The following DUSP18 variants were observed in gnomAD, a reference collection of about 807,000 sequenced individuals.
The protein encoded by DUSP18 is dual specificity phosphatase 18.
Under a neutral mutation model 6.3 loss-of-function variants are expected in DUSP18, and 4 were observed. The ratio of observed to expected loss-of-function variants is 0.63; its 90% CI spans 0.31 to 1.45. The LOEUF is 1.45. DUSP18 is among the 40% of genes most tolerant of loss of function. DUSP18 has a pLI of 0.07. For missense variants in DUSP18, 235 were observed against 247.7 expected (o/e 0.95, Z 0.34); for synonymous variants, 96 against 95.1 (o/e 1.01, Z -0.05).
chr22:30,661,278 A>C (rs2088458608), downstream of DUSP18, among the ~76,000 whole-genome samples: 1 of 152,108 alleles, frequency 6.6e-6, no homozygotes, highest in South Asian at 2.1e-4. Flanking sequence ...AAAATCTAAA[A>C]CTTTTTGAGA....
At chr22:30,664,517 A>C (rs1030639620) in intron 1 of DUSP18, among the ~76,000 whole-genome samples, 1 of 152,120 alleles carries the variant, frequency 6.6e-6, no homozygotes, top group Non-Finnish European at 1.5e-5. Flanking sequence ...AGCCCCTCTG[A>C]GTGGGAACCA....
At chr22:30,658,298 G>T (rs1319546336), downstream of DUSP18, among the ~76,000 whole-genome samples, 14 of 151,718 alleles carry the variant, frequency 9.2e-5, 1 homozygote, top group South Asian at 2.1e-3. Flanking sequence ...CAGAACTTTG[G>T]GAGGCTGAGG....
rs2088481385 is a variant in DUSP18, at chr22:30,661,916, C to G, written c.*1521G>C. The G allele has an allele frequency of 6.6e-6, 1 of 151,758 alleles. No homozygotes were observed. The highest frequency in any genetic ancestry group is 1.5e-5 in the Non-Finnish European group (1 of 68,036). The allele number at this position is 151,758 out of a possible 1,614,324, so 9.4% of individuals were successfully genotyped here. ...TAGAAGTGATTGGGGGAAGCTGGAA[C>G]TGTGCTCCTTGTTTCAGGACCTCTA... On this transcript the variant is annotated 3_prime_UTR_variant, in exon 2 of 2. Transcript: ENST00000334679.
intron 2 of DUSP18, among the ~76,000 whole-genome samples, chr22:30,653,616 GC>G (rs146345605): frequency 2.6e-5 from 4 of 151,438 alleles, no homozygotes; most frequent in Admixed American, 6.6e-5. Context: ...CAAGTGACCC[GC>G]CCCCCCTCGG....
chr22:30,661,410 T>C (rs2088461863), downstream of DUSP18: 1 of 151,970 alleles, frequency 6.6e-6, no homozygotes, highest in South Asian at 2.1e-4. Flanking sequence ...AAAATATTTC[T>C]GGTCCCAAGC....
At chr22:30,666,807 C>T (rs2088688648) in intron 1 of DUSP18, 1 of 152,032 alleles carries the variant, frequency 6.6e-6, no homozygotes, top group Admixed American at 6.6e-5. Flanking sequence ...CAGTACCTAC[C>T]TTAAAAGGAT....
At chr22:30,657,200 C>T (rs971521250), downstream of DUSP18, among the ~76,000 whole-genome samples, 2 of 149,344 alleles carry the variant, frequency 1.3e-5, no homozygotes, top group African/African-American at 2.5e-5. Context: ...TTTGGGAGGC[C>T]GAGGTGGGTG....
intron 1 of DUSP18, among the ~76,000 whole-genome samples, chr22:30,666,046 C>T (rs1381062860): frequency 6.6e-6 from 1 of 152,066 alleles, no homozygotes; most frequent in Non-Finnish European, 1.5e-5. Context: ...GGCTCATTCC[C>T]GGAAGGACAG....
chr22:30,664,097 G>C lies in DUSP18; in HGVS notation c.-77-17C>G. On this transcript the variant is annotated splice_polypyrimidine_tract_variant and intron_variant, in intron 1 of 1. Coordinates refer to ENST00000334679, the MANE Select transcript of DUSP18 (RefSeq NM_152511.5). ...CATGGAAAACTGCAGAGAGGGAGAG[G>C]ATGTTTAGAGGGCAGGTGCCCAGAG... 28 of 1,169,744 alleles carry C rather than the reference G, an allele frequency of 2.4e-5. No individual in the cohort carries two copies. Among genetic ancestry groups the C allele is most frequent in the Non-Finnish European group, 3.0e-5 (25 of 827,836 alleles). 72.5% of individuals were successfully genotyped at this position (1,169,744 alleles called of 1,614,324 possible). A position where few individuals can be genotyped will look rare whatever the true frequency, so the allele number is the denominator to read the frequency against.
chr22:30,664,096 G>C lies in DUSP18; in HGVS notation c.-77-16C>G. Reference sequence around the variant, plus strand: ...CCATGGAAAACTGCAGAGAGGGAGAGGATGTTTAGAGGGCAGGTGCCCAGA... The same window carrying C: ...CCATGGAAAACTGCAGAGAGGGAGACGATGTTTAGAGGGCAGGTGCCCAGA... On this transcript the variant is annotated splice_polypyrimidine_tract_variant and intron_variant, in intron 1 of 1. Coordinates refer to ENST00000334679, the MANE Select transcript of DUSP18 (RefSeq NM_152511.5). 5 of 1,242,246 alleles carry C rather than the reference G, an allele frequency of 4.0e-6. No homozygotes were observed. Among genetic ancestry groups the C allele is most frequent in the Non-Finnish European group, 5.6e-6 (5 of 892,970 alleles). 77.0% of individuals were successfully genotyped at this position (1,242,246 alleles called of 1,614,324 possible). A position where few individuals can be genotyped will look rare whatever the true frequency, so the allele number is the denominator to read the frequency against.
rs2088533044 is a variant in DUSP18 at position 30,663,316 on chromosome 22, T to C, written c.*121A>G. On this transcript the variant is annotated 3_prime_UTR_variant, in exon 2 of 2. Transcript: ENST00000334679. ...CTACAGCAACTCTTTTTTGTGCTCA[T>C]AAAAGGCATCATCTGTTTTTTTCTG... is the stretch of plus-strand genomic sequence containing the variant. 1 of 989,096 alleles carries C rather than the reference T, an allele frequency of 1.0e-6. No homozygotes were observed. The allele number at this position is 989,096 out of a possible 1,614,324, so 61.3% of individuals were successfully genotyped here.
At chr22:30,652,539 G>A (rs1405671065) in intron 2 of DUSP18, among the ~76,000 whole-genome samples, 2 of 152,208 alleles carry the variant, frequency 1.3e-5, no homozygotes, top group Admixed American at 1.3e-4. Flanking sequence ...CCTATGCCCA[G>A]GAATGAATAA....
rs115405029 is a variant in DUSP18 at position 30,666,154 on chromosome 22, G to A, written c.-78+1308C>T. On this transcript the variant is annotated intron_variant, in intron 1 of 1. Transcript: ENST00000334679. ...ATGCTAAGGAATGTTCTGGATCCTC[G>A]TCATCAGAAAATCCATAGAGAAGTG... is the stretch of plus-strand genomic sequence containing the variant. Among the ~76,000 whole-genome samples the A allele has an allele frequency of 4.6e-3, 704 of 152,194 alleles. 7 individuals carry two copies. Among genetic ancestry groups the A allele is most frequent in the African/African-American group, 0.015 (629 of 41,524 alleles).
In DUSP18 at chr22:30,667,574, G is replaced by C. The variant is rs1041378934; in HGVS notation, c.-190C>G. The C allele has an allele frequency of 2.0e-5, 3 of 152,324 alleles. No homozygotes were observed. Among genetic ancestry groups the C allele is most frequent in the African/African-American group, 4.8e-5 (2 of 41,426 alleles). The allele number at this position is 152,324 out of a possible 1,614,324, so 9.4% of individuals were successfully genotyped here. A position where few individuals can be genotyped will look rare whatever the true frequency, so the allele number is the denominator to read the frequency against. ...TCATGATCCCGCAGCCTCAATCCCC[G>C]CTGGCCTAACGCTTTGGTTTCCATA... On this transcript the variant is annotated 5_prime_UTR_variant, in exon 1 of 2. Coordinates refer to ENST00000334679, the MANE Select transcript of DUSP18 (RefSeq NM_152511.5).
chr22:30,653,269 T>C (rs977491959), intron 2 of DUSP18, among the ~76,000 whole-genome samples: 12 of 152,010 alleles, frequency 7.9e-5, no homozygotes, highest in African/African-American at 2.4e-4. Context: ...CCTTCGGCTA[T>C]TGGGGGGCCA....
At position 30,663,471 on chromosome 22, in the gene DUSP18, T is replaced by C. The variant is rs764799988; in HGVS notation, c.533A>G (p.Tyr178Cys). ...SSPVGMIPDIYEKEVRLMIPL is the reference protein window; with the variant it reads ...SSPVGMIPDICEKEVRLMIPL ...AATCATCAAACGGACTTCCTTCTCA[T>C]AGATGTCAGGGATCATTCCCACTGG... is the stretch of plus-strand genomic sequence containing the variant. Residue 178 changes from tyrosine (Y) to cysteine (C), a missense_variant, in exon 2 of 2, where the codon TAT becomes TGT. Transcript: ENST00000334679. The C allele has an allele frequency of 8.7e-5, 140 of 1,612,548 alleles. 1 individual carries two copies. In the Admixed American group the frequency reaches 9.2e-4, roughly 11 times the overall value.
intron 2 of DUSP18, among the ~76,000 whole-genome samples, chr22:30,655,169 C>G (rs958030248): frequency 1.3e-5 from 2 of 151,858 alleles, no homozygotes; most frequent in African/African-American, 2.4e-5. Context: ...CCACAAGAAG[C>G]CAGCAGCCAG....
Position 30,655,789 on chromosome 22 carries a change from A to C in DUSP18, c.*34-3492T>G, listed in dbSNP as rs193111569. Among the ~76,000 whole-genome samples, 8 of 152,280 alleles carry C rather than the reference A, an allele frequency of 5.3e-5. No homozygotes were observed. In the East Asian group the frequency reaches 1.6e-3, roughly 30 times the overall value. On this transcript the variant is annotated intron_variant, in intron 2 of 2. Transcript: ENST00000404885. ...CATTTAACAGAGTAAGCAAAATTTC[A>C]GAAAAATTCCAGGGTCTGCCTGAAG...
Position 30,663,081 on chromosome 22 carries a change from T to C in DUSP18, c.*356A>G, listed in dbSNP as rs2088522562. 4.7e-6 allele frequency: 1 copy of C among 213,586 alleles called. No individual in the cohort carries two copies. 13.2% of individuals were successfully genotyped at this position (213,586 alleles called of 1,614,324 possible). On this transcript the variant is annotated 3_prime_UTR_variant, in exon 2 of 2. Transcript: ENST00000334679. ...CTGGGTGTGAAAGAATGAGGTGGAATTGTAGCAGATTCATTCCTGGGTCAA... is the reference window on the plus strand; with the variant it reads ...CTGGGTGTGAAAGAATGAGGTGGAACTGTAGCAGATTCATTCCTGGGTCAA...
Sources: allele counts gnomAD v4.1 joint callset (sites outside exome capture counted in the v4.1 genomes callset), GRCh38; gene constraint gnomAD v4.1.1; transcripts MANE v1.5; gene names NCBI Gene and HGNC (gene_info 2026-07-23, HGNC 2026-07-21).